Variants in KANSL1 observed in about 807,000 individuals in gnomAD.
The protein encoded by KANSL1 is MLL1/MLL complex subunit KANSL1.
Under a neutral mutation model 103.6 loss-of-function variants are expected in KANSL1, and 22 were observed. The ratio of observed to expected loss-of-function variants is 0.21; its 90% confidence interval spans 0.15 to 0.30. KANSL1 has a LOEUF of 0.30. Among genes scored for constraint, KANSL1 ranks in the 10% least tolerant of loss-of-function variants. The pLI is 1.00. For synonymous variants in KANSL1, 600 were observed against 527.6 expected, an observed-to-expected ratio of 1.14 and a Z score of -1.88; for missense variants, 1,337 against 1,399.8, an observed-to-expected ratio of 0.96 and a Z score of 0.72.
chr17:46,096,311 C>CTGTTTTTTTTTTTTTTTTTTTTTTTT, intron 2 of KANSL1, among the ~76,000 whole-genome samples: 1 of 76,408 alleles, frequency 1.3e-5, no homozygotes, highest in Non-Finnish European at 2.5e-5. Flanking sequence ...GCTTTTTTTT[C>CTGTTTTTTTTTTTTTTTTTTTTTTTT]TTTTTTTTTT....
rs770726972 is a variant in KANSL1 at position 46,074,015 on chromosome 17, G to T, written c.1534-6348C>A. Among the ~76,000 whole-genome samples, 53 of 152,214 alleles carry T rather than the reference G, an allele frequency of 3.5e-4. No individual in the cohort carries two copies. The Middle Eastern group carries it at 0.01, about 29-fold the overall frequency. On this transcript the variant is annotated intron_variant, in intron 4 of 14. Coordinates refer to ENST00000432791, the MANE Select transcript of KANSL1 (RefSeq NM_015443.4). ...TATAGATGTGTGTGTATGCACCTGT[G>T]AGCATAGATACATATGTTTCCTTGC...
At chr17:46,088,390 A>C (rs553887077) in intron 3 of KANSL1, 1 of 152,314 alleles carries the variant, frequency 6.6e-6, no homozygotes, top group Non-Finnish European at 1.5e-5. Context: ...TAAGTTGTCT[A>C]AAGTGCTTTA....
intron 2 of KANSL1, among the ~76,000 whole-genome samples, chr17:46,117,397 AAG>A (rs2043090547): frequency 6.6e-6 from 1 of 152,254 alleles, no homozygotes; most frequent in Non-Finnish European, 1.5e-5. Context: ...CGTAAATTCC[AAG>A]AGAGTAGGAA....
At chr17:46,202,303 A>G (rs1282342897) in intron 1 of KANSL1, among the ~76,000 whole-genome samples, 2 of 152,258 alleles carry the variant, frequency 1.3e-5, no homozygotes, top group Non-Finnish European at 2.9e-5. Context: ...ACATGCAAAC[A>G]TCCCAAAATC....
At chr17:46,129,608 G>A (rs2043746062) in intron 2 of KANSL1, among the ~76,000 whole-genome samples, 1 of 152,168 alleles carries the variant, frequency 6.6e-6, no homozygotes, top group Admixed American at 6.5e-5. Flanking sequence ...GTCAGAGTGT[G>A]GAGTGTTTTT....
At chr17:46,192,157 TTAAG>T (rs1209370824) in intron 1 of KANSL1, among the ~76,000 whole-genome samples, 6 of 152,200 alleles carry the variant, frequency 3.9e-5, no homozygotes, top group African/African-American at 1.4e-4. Flanking sequence ...ACGAGGATTT[TTAAG>T]TAAGACACGG....
intron 2 of KANSL1, among the ~76,000 whole-genome samples, chr17:46,132,908 A>C (rs1179699365): frequency 2.3e-5 from 3 of 128,334 alleles, no homozygotes; most frequent in African/African-American, 7.6e-5. Context: ...ATACCACTGG[A>C]CTTCCAGCTT....
intron 1 of KANSL1, among the ~76,000 whole-genome samples, chr17:46,210,704 A>T (rs2048140755): frequency 6.6e-6 from 1 of 152,252 alleles, no homozygotes. Flanking sequence ...TGCAGATGGG[A>T]TGATGAGATT....
At chr17:46,172,560 TTAAGCTTG>T in intron 1 of KANSL1, among the ~76,000 whole-genome samples, 1 of 152,334 alleles carries the variant, frequency 6.6e-6, no homozygotes, top group African/African-American at 2.4e-5. Context: ...AAAAATCTCT[TTAAGCTTG>T]TTGAAATAAA....
At chr17:46,219,561 T>C (rs1170426157) in intron 1 of KANSL1, among the ~76,000 whole-genome samples, 3 of 152,198 alleles carry the variant, frequency 2.0e-5, no homozygotes, top group African/African-American at 7.2e-5. Context: ...GAGATGGGGT[T>C]TTGCCATGTT....
chr17:46,032,556 T>G, intron 13 of KANSL1: 1 of 422,044 alleles, frequency 2.4e-6, no homozygotes, highest in Non-Finnish European at 4.2e-6. Context: ...TTCAGGAGGT[T>G]AGGGAGATTC....
intron 2 of KANSL1, among the ~76,000 whole-genome samples, chr17:46,110,082 G>A (rs1325076691): frequency 1.3e-5 from 2 of 152,170 alleles, no homozygotes; most frequent in African/African-American, 4.8e-5. Context: ...AGTGACCACA[G>A]TAACTGTTCA....
At chr17:46,210,502 A>ATACGTGAATATAATTTATGT (rs1567806919) in intron 1 of KANSL1, among the ~76,000 whole-genome samples, 1 of 150,982 alleles carries the variant, frequency 6.6e-6, no homozygotes, top group Non-Finnish European at 1.5e-5. Context: ...AAAAAAAAAA[A>ATACGTGAATATAATTTATGT]GACCTGAGTG....
intron 4 of KANSL1, among the ~76,000 whole-genome samples, chr17:46,069,473 G>A (rs1318644698): frequency 1.3e-5 from 2 of 152,156 alleles, no homozygotes; most frequent in Non-Finnish European, 2.9e-5. Flanking sequence ...GGCTGGGTGT[G>A]GTGGCTCATG....
intron 2 of KANSL1, among the ~76,000 whole-genome samples, chr17:46,114,367 A>T (rs1457808750): frequency 6.6e-6 from 1 of 152,318 alleles, no homozygotes; most frequent in African/African-American, 2.4e-5. Flanking sequence ...AAACAAAAAC[A>T]AAAACAAAAA....
intron 6 of KANSL1, 92 bp from the exon 7 acceptor site, chr17:46,050,796 C>T: frequency 8.7e-7 from 1 of 1,151,124 alleles, no homozygotes. Flanking sequence ...GAGAAGTTAG[C>T]TCCCCATTTG....
At position 46,171,057 on chromosome 17, in the gene KANSL1, T is replaced by C. The variant is rs138704004; in HGVS notation, c.1087A>G (p.Thr363Ala). The C allele has an allele frequency of 3.8e-5, 62 of 1,614,202 alleles. No individual in the cohort carries two copies. The East Asian group carries it at 1.2e-3, about 30-fold the overall frequency. The change falls in exon 2 of 15, where the codon ACT (threonine) becomes GCT (alanine). Residue 363 changes from threonine to alanine, a missense_variant. Physicochemically the swap from Thr to Ala is moderately conservative, Grantham distance 58. Around this residue, in one of 2 missense-constraint regions of KANSL1, gnomAD observed 557 missense variants for 476.4 expected, o/e 1.17. Transcript: ENST00000432791. Reference protein sequence around the residue: ...ALRKAASETTTSEGLSNFLKS... With the variant: ...ALRKAASETTASEGLSNFLKS... ...AGAAAGTTGCTAAGTCCCTCTGAAG[T>C]GGTGGTCTCACTGGCAGCTTTTCTC... is the stretch of plus-strand genomic sequence containing the variant.
rs1019574491 is a variant in KANSL1, at chr17:46,030,651, G to A, written c.*825C>T. On this transcript the variant is annotated 3_prime_UTR_variant, in exon 15 of 15. Transcript: ENST00000432791. ...CACTTCCCACAACCCCCAGTTTGCAGGGGAGTGGGAATAGAGGTTAAGTAG... is the reference window on the plus strand; with the variant it reads ...CACTTCCCACAACCCCCAGTTTGCAAGGGAGTGGGAATAGAGGTTAAGTAG... The A allele has an allele frequency of 2.0e-5, 3 of 152,034 alleles. No individual in the cohort carries two copies. The highest frequency in any genetic ancestry group is 7.2e-5 in the African/African-American group (3 of 41,386). 9.4% of individuals were successfully genotyped at this position (152,034 alleles called of 1,614,324 possible).
chr17:46,051,389 T>C (rs890218797), intron 6 of KANSL1, among the ~76,000 whole-genome samples: 1 of 112,958 alleles, frequency 8.9e-6, no homozygotes, highest in East Asian at 1.9e-4. Context: ...TTCCAAAGGG[T>C]AGAAATTATT....
Sources: allele counts gnomAD v4.1 joint callset (sites outside exome capture counted in the v4.1 genomes callset), GRCh38; gene constraint gnomAD v4.1.1; regional missense constraint gnomAD v4.1.1; transcripts MANE v1.5; gene names NCBI Gene and HGNC (gene_info 2026-07-23, HGNC 2026-07-21).